The following ROBO2 variants were observed in gnomAD, a reference collection of about 807,000 sequenced individuals.
The protein encoded by ROBO2 is roundabout homolog 2.
Under a neutral mutation model 160.8 loss-of-function variants are expected in ROBO2, and 53 were observed. That is an observed-to-expected ratio of 0.33 (90% CI 0.26 to 0.41). ROBO2 has a LOEUF of 0.41. Ranked by LOEUF, ROBO2 falls within the 10% of genes least tolerant of loss-of-function variation. ROBO2 has a pLI of 1.00. For synonymous variants in ROBO2, 664 were observed against 611.7 expected, an observed-to-expected ratio of 1.09 and a Z score of -1.26; for missense variants, 1,577 against 1,722.4, an observed-to-expected ratio of 0.92 and a Z score of 1.49.
At chr3:77,557,973 C>A in exon 9 of ROBO2, 1 of 1,613,018 alleles carries the variant, frequency 6.2e-7, no homozygotes, top group Non-Finnish European at 8.5e-7. Flanking sequence ...ACCTATAATT[C>A]TACAAGGCCC....
intron 2 of ROBO2, among the ~76,000 whole-genome samples, chr3:77,181,677 G>T (rs7431965): frequency 0.058 from 8,827 of 152,056 alleles, 275 homozygotes; most frequent in Admixed American, 0.092. Context: ...ATGCATTAAT[G>T]AATACTGTAA....
At chr3:76,093,467 A>G (rs935929487) in intron 2 of ROBO2, among the ~76,000 whole-genome samples, 8 of 118,136 alleles carry the variant, frequency 6.8e-5, no homozygotes, top group Non-Finnish European at 1.0e-4. Context: ...AATACAGTTT[A>G]TAATATATTA....
At chr3:77,049,273 C>T (rs568201675) in intron 1 of ROBO2, among the ~76,000 whole-genome samples, 75 of 152,090 alleles carry the variant, frequency 4.9e-4, no homozygotes, top group African/African-American at 1.7e-3. Context: ...GAGGCTGCAG[C>T]GAGCCATGAT....
In ROBO2 at chr3:76,493,361, AT is replaced by A. The variant is rs1463634028; in HGVS notation, c.109+555760del. 1.1e-4 allele frequency among the ~76,000 whole-genome samples: 16 copies of A among 139,324 alleles called. 1 individual carries two copies. The highest frequency in any genetic ancestry group is 2.9e-4 in the African/African-American group (11 of 37,850). The allele number at this position is 139,324 out of a possible 152,430, so 91.4% of individuals were successfully genotyped here. ...ATTATATATATATATATATATATAT[AT>A]ATAATTGTATATACATGTACAAAAA... On this transcript the variant is annotated intron_variant, in intron 2 of 26. Coordinates refer to the ROBO2 transcript ENST00000487694.
At chr3:77,187,597 C>T (rs1188718900) in intron 2 of ROBO2, among the ~76,000 whole-genome samples, 1 of 151,898 alleles carries the variant, frequency 6.6e-6, no homozygotes, top group East Asian at 1.9e-4. Context: ...ATCATCCTTA[C>T]AGTCGCTGCC....
intron 1 of ROBO2, among the ~76,000 whole-genome samples, chr3:77,086,901 A>C (rs2069397918): frequency 6.6e-6 from 1 of 152,198 alleles, no homozygotes; most frequent in Non-Finnish European, 1.5e-5. Context: ...AGGATCATTG[A>C]ATCTCAATTT....
exon 26 of ROBO2, chr3:77,649,278 T>C (rs2095433139): frequency 6.6e-6 from 1 of 152,200 alleles, no homozygotes; most frequent in African/African-American, 2.4e-5. Context: ...TATGTCATAG[T>C]TTAATGCTCT....
At chr3:75,992,545 C>T (rs1289848621) in intron 2 of ROBO2, among the ~76,000 whole-genome samples, 1 of 152,134 alleles carries the variant, frequency 6.6e-6, no homozygotes, top group Admixed American at 6.5e-5. Context: ...ATGGGTGGGG[C>T]CCTCAGGGAG....
At chr3:76,877,199 A>T (rs927565613) in intron 2 of ROBO2, among the ~76,000 whole-genome samples, 1 of 152,228 alleles carries the variant, frequency 6.6e-6, no homozygotes, top group Non-Finnish European at 1.5e-5. Flanking sequence ...AAATAAGATT[A>T]TAACATTTCT....
At chr3:77,372,951 A>G (rs1366721580) in intron 2 of ROBO2, among the ~76,000 whole-genome samples, 1 of 151,780 alleles carries the variant, frequency 6.6e-6, no homozygotes, top group East Asian at 1.9e-4. Flanking sequence ...ATTAACTATT[A>G]AAGCTCTCTG....
intron 2 of ROBO2, among the ~76,000 whole-genome samples, chr3:76,360,236 T>C (rs964938698): frequency 1.3e-5 from 2 of 152,022 alleles, no homozygotes; most frequent in African/African-American, 4.8e-5. Context: ...TCTTTTCGGT[T>C]TTCCAGCTTT....
intron 2 of ROBO2, among the ~76,000 whole-genome samples, chr3:77,415,833 T>C (rs972090964): frequency 6.6e-6 from 1 of 152,066 alleles, no homozygotes; most frequent in Non-Finnish European, 1.5e-5. Flanking sequence ...AAATGTTACA[T>C]CATTTCTGCT....
At chr3:77,219,478 AT>A (rs1465044395) in intron 2 of ROBO2, among the ~76,000 whole-genome samples, 19 of 133,720 alleles carry the variant, frequency 1.4e-4, no homozygotes, top group Middle Eastern at 4.3e-3. Flanking sequence ...GTATATATAT[AT>A]ATATAATCTG....
intron 2 of ROBO2, among the ~76,000 whole-genome samples, chr3:77,336,513 T>A (rs1404419860): frequency 6.6e-6 from 1 of 152,016 alleles, no homozygotes; most frequent in Non-Finnish European, 1.5e-5. Context: ...TCTTCCTCTT[T>A]CTTTTTTTTT....
rs142136337 is a variant in ROBO2, at chr3:77,303,799, A to G, written c.389-173615A>G. 3.4e-4 allele frequency among the ~76,000 whole-genome samples: 51 copies of G among 152,126 alleles called. No individual in the cohort carries two copies. The East Asian group carries it at 9.3e-3, about 28-fold the overall frequency. On this transcript the variant is annotated intron_variant, in intron 2 of 25. Coordinates refer to ENST00000461745, the Ensembl canonical transcript of ROBO2. ...TTTGACAATGAAATATTTTATATAC[A>G]TATATATACATATATATATGCAAGT...
At chr3:77,062,139 T>A (rs2149776113) in intron 1 of ROBO2, among the ~76,000 whole-genome samples, 1 of 152,326 alleles carries the variant, frequency 6.6e-6, no homozygotes, top group African/African-American at 2.4e-5. Context: ...GCAGTTTTAC[T>A]TAGGTTAAAA....
chr3:76,160,554 T>A (rs1477594605), intron 2 of ROBO2, among the ~76,000 whole-genome samples: 2 of 152,188 alleles, frequency 1.3e-5, no homozygotes, highest in African/African-American at 4.8e-5. Flanking sequence ...CGCTGTGTCA[T>A]CCCTTCTTAA....
At chr3:76,419,452 T>TA (rs2075898748) in intron 2 of ROBO2, among the ~76,000 whole-genome samples, 1 of 151,906 alleles carries the variant, frequency 6.6e-6, no homozygotes, top group African/African-American at 2.4e-5. Flanking sequence ...TTTTTTTTTT[T>TA]AAATTTAACC....
At chr3:77,172,621 A>C (rs188776959) in intron 2 of ROBO2, among the ~76,000 whole-genome samples, 26 of 152,260 alleles carry the variant, frequency 1.7e-4, no homozygotes, top group Non-Finnish European at 3.4e-4. Context: ...TCTTGAATCA[A>C]TATATAGACA....
Sources: allele counts gnomAD v4.1 joint callset (sites outside exome capture counted in the v4.1 genomes callset), GRCh38; gene constraint gnomAD v4.1.1; transcripts MANE v1.5; gene names NCBI Gene and HGNC (gene_info 2026-07-23, HGNC 2026-07-21).